GDF10: variants seen among roughly 807,000 people sequenced by gnomAD.
GDF10 encodes the protein growth/differentiation factor 10.
GDF10 carries 23 observed loss-of-function variants against 32.1 expected under a neutral mutation model. That is an observed-to-expected ratio of 0.72 (90% confidence interval 0.52 to 1.02). The LOEUF (loss-of-function observed/expected upper bound fraction) is 1.02, where lower values mean the gene tolerates loss of function less well. Ranked by LOEUF, GDF10 falls within the 50% of genes least tolerant of loss-of-function variation. GDF10 has a pLI of 0.00. For synonymous variants in GDF10, 328 were observed against 303.1 expected (o/e 1.08, Z -0.85); for missense variants, 764 against 673.9 (o/e 1.13, Z -1.48).
At chr10:47,304,149 G>A (rs530609739) in intron 1 of GDF10, among the ~76,000 whole-genome samples, 15 of 152,288 alleles carry the variant, frequency 9.8e-5, no homozygotes, top group East Asian at 7.8e-4. Context: ...AGCCAGGTGC[G>A]GAAGTGAAGC....
chr10:47,312,124 C>T (rs1485559235), intron 2 of GDF10, among the ~76,000 whole-genome samples: 2 of 152,220 alleles, frequency 1.3e-5, no homozygotes, highest in African/African-American at 4.8e-5. Flanking sequence ...CAATGTCCAG[C>T]CTGTCACACT....
Position 47,312,702 on chromosome 10 carries a change from C to A in GDF10, c.1347C>A (p.Asn449Lys). The A allele has an allele frequency of 6.2e-7, 1 of 1,610,204 alleles. No individual in the cohort carries two copies. The highest frequency in any genetic ancestry group is 8.5e-7 in the Non-Finnish European group (1 of 1,177,842). Residue 449 changes from asparagine (N) to lysine (K), a missense_variant, in exon 3 of 3, where the codon AAC (asparagine) becomes AAA (lysine). By Grantham distance (94) the Asn-to-Lys change is moderately conservative (BLOSUM62 0). Coordinates refer to ENST00000580279, the MANE Select transcript of GDF10 (RefSeq NM_004962.5). ...CCTGCTGTGTTCCCGATAAGATGAA[C>A]TCCCTTGGGGTCCTCTTCCTGGATG... ...PEPCCVPDKMNSLGVLFLDEN... is the reference protein window; with the variant it reads ...PEPCCVPDKMKSLGVLFLDEN...
chr10:47,311,927 A>G (rs893824374), intron 2 of GDF10, among the ~76,000 whole-genome samples: 32 of 152,360 alleles, frequency 2.1e-4, no homozygotes, highest in African/African-American at 7.7e-4. Flanking sequence ...CGGTTGGTTC[A>G]TCTTGTCAGA....
At chr10:47,308,891 A>G (rs1164708457) in intron 1 of GDF10, among the ~76,000 whole-genome samples, 2 of 152,214 alleles carry the variant, frequency 1.3e-5, no homozygotes, top group African/African-American at 4.8e-5. Context: ...CAAACCTGAC[A>G]CAATACTCAT....
At position 47,310,473 on chromosome 10, in the gene GDF10, C is replaced by A. The variant is rs782563921; in HGVS notation, c.997C>A (p.Pro333Thr). 33 of 1,613,648 alleles carry A rather than the reference C, an allele frequency of 2.0e-5. No individual in the cohort carries two copies. Among genetic ancestry groups the A allele is most frequent in the Non-Finnish European group, 2.6e-5 (31 of 1,179,782 alleles). The change falls in exon 2 of 3, where the codon CCC (proline) becomes ACC (threonine). Residue 333 changes from proline (P) to threonine (T), a missense_variant. Coordinates refer to ENST00000580279, the MANE Select transcript of GDF10 (RefSeq NM_004962.5). ...GCCCAGCCCCTTCCGGGCGCTGAAA[C>A]CCCGGCCAGGGCGCAAAGACCGCAG... Reference protein sequence around the residue: ...LWPSPFRALKPRPGRKDRRKK... With the variant: ...LWPSPFRALKTRPGRKDRRKK...
intron 1 of GDF10, among the ~76,000 whole-genome samples, chr10:47,301,455 C>T (rs1169279272): frequency 6.6e-6 from 1 of 151,644 alleles, no homozygotes; most frequent in East Asian, 1.9e-4. Context: ...TGAGAAGGGC[C>T]TTGGCTGCCC....
At position 47,310,722 on chromosome 10, in the gene GDF10, G is replaced by T; in HGVS notation, c.1245+1G>T. On this transcript the variant is annotated splice_donor_variant, in intron 2 of 2. Coordinates refer to ENST00000580279, the MANE Select transcript of GDF10 (RefSeq NM_004962.5). LOFTEE classifies it high-confidence loss of function. ...AGCATGTGAGTTCCCCATGCCTAAG[G>T]TAGGGTTTCTTCCGCCTTTTGCCAA... 1 of 1,604,340 alleles carries T rather than the reference G, an allele frequency of 6.2e-7. No homozygotes were observed. Among genetic ancestry groups the T allele is most frequent in the Non-Finnish European group, 8.5e-7 (1 of 1,171,236 alleles).
chr10:47,310,019 G>T lies in GDF10; in HGVS notation c.543G>T (p.Thr181=), dbSNP rs1555207451. 2 of 1,608,586 alleles carry T rather than the reference G, an allele frequency of 1.2e-6. No homozygotes were observed. Among genetic ancestry groups the T allele is most frequent in the Non-Finnish European group, 1.7e-6 (2 of 1,177,652 alleles). The stretch of plus-strand genomic sequence containing the variant: ...TCTTCCGCAGCCTCTCGCAGAACAC[G>T]GCCACACAGGGGCTACTCCGCGGGG... ...HLLFRSLSQN[T]ATQGLLRGAM... is the part of the protein sequence containing the mutation. The change falls in exon 2 of 3, where the codon ACG becomes ACT. Residue 181 remains threonine, a synonymous_variant. Coordinates refer to ENST00000580279, the MANE Select transcript of GDF10 (RefSeq NM_004962.5).
intron 1 of GDF10, 144 bp from the exon 2 acceptor site, chr10:47,309,652 C>G: frequency 4.8e-6 from 3 of 627,138 alleles, no homozygotes; most frequent in Non-Finnish European, 8.7e-6. Context: ...GTGAGGATTA[C>G]ACGAAAGGAG....
At chr10:47,303,613 C>T (rs1452865556) in intron 1 of GDF10, among the ~76,000 whole-genome samples, 4 of 152,152 alleles carry the variant, frequency 2.6e-5, no homozygotes, top group Non-Finnish European at 5.9e-5. Context: ...CCACCCCTTC[C>T]TTCCTTCCCT....
Position 47,310,558 on chromosome 10 carries a change from C to T in GDF10, c.1082C>T (p.Thr361Met), listed in dbSNP as rs782416277. ...CAGGTGCTGGACTTTGACGAGAAGA[C>T]GATGCAGAAAGCCCGGAGGAAGCAG... Reference protein sequence around the residue: ...ASQVLDFDEKTMQKARRKQWD... With the variant: ...ASQVLDFDEKMMQKARRKQWD... Residue 361 changes from threonine to methionine, a missense_variant, in exon 2 of 3, where the codon ACG (threonine) becomes ATG (methionine). Thr to Met is a moderately conservative substitution (Grantham distance 81, BLOSUM62 -1). Transcript: ENST00000580279. 4 of 1,614,206 alleles carry T rather than the reference C, an allele frequency of 2.5e-6. No homozygotes were observed. Among genetic ancestry groups the T allele is most frequent in the Non-Finnish European group, 3.4e-6 (4 of 1,180,032 alleles).
At chr10:47,308,960 T>G (rs1371617787) in intron 1 of GDF10, among the ~76,000 whole-genome samples, 1 of 152,186 alleles carries the variant, frequency 6.6e-6, no homozygotes, top group Middle Eastern at 3.2e-3. Flanking sequence ...GCTGCCCTGG[T>G]GCCCTGGGGA....
At chr10:47,301,921 G>C (rs1264246005) in intron 1 of GDF10, among the ~76,000 whole-genome samples, 1 of 152,170 alleles carries the variant, frequency 6.6e-6, no homozygotes, top group Non-Finnish European at 1.5e-5. Flanking sequence ...GAGCTAGACA[G>C]CCTGGGGTCA....
intron 1 of GDF10, among the ~76,000 whole-genome samples, chr10:47,307,014 G>A (rs1011807685): frequency 2.0e-5 from 3 of 152,094 alleles, no homozygotes; most frequent in East Asian, 3.9e-4. Context: ...CCAGCACACC[G>A]GGGGCCTCGC....
chr10:47,309,736 G>T, intron 1 of GDF10, 60 bp from the exon 2 acceptor site: 1 of 1,173,384 alleles, frequency 8.5e-7, no homozygotes, highest in South Asian at 1.4e-5. Context: ...GCCCTGGGTG[G>T]GAGACCCTCA....
chr10:47,307,460 CT>C (rs1369116140), intron 1 of GDF10, among the ~76,000 whole-genome samples: 3 of 152,200 alleles, frequency 2.0e-5, no homozygotes, highest in Non-Finnish European at 2.9e-5. Context: ...GTTGAGGTCC[CT>C]TCTCTGAGCC....
chr10:47,307,606 AG>A (rs2061027536), intron 1 of GDF10, among the ~76,000 whole-genome samples: 1 of 152,292 alleles, frequency 6.6e-6, no homozygotes, highest in East Asian at 1.9e-4. Flanking sequence ...GTCTTCCCAG[AG>A]CAGGCTGCCC....
intron 1 of GDF10, among the ~76,000 whole-genome samples, chr10:47,305,943 G>T (rs1265194443): frequency 6.6e-6 from 1 of 152,152 alleles, no homozygotes; most frequent in Non-Finnish European, 1.5e-5. Context: ...CATGATCTTT[G>T]TCCATTAGCT....
At chr10:47,312,238 G>A (rs539646304) in intron 2 of GDF10, among the ~76,000 whole-genome samples, 95 of 152,182 alleles carry the variant, frequency 6.2e-4, no homozygotes, top group Non-Finnish European at 1.2e-3. Flanking sequence ...CTGGCATCTC[G>A]CTGGGTTTTC....
Sources: gnomAD v4.1 joint callset for allele counts (sites outside exome capture counted in the v4.1 genomes callset) on GRCh38, gnomAD v4.1.1 for gene constraint, MANE v1.5 for transcripts, NCBI Gene and HGNC (gene_info 2026-07-23, HGNC 2026-07-21) for gene names.